Variants in RASGRF1 observed in about 807,000 individuals in gnomAD.
RASGRF1 encodes ras-specific guanine nucleotide-releasing factor 1.
RASGRF1 carries 40 observed loss-of-function variants against 138.7 expected under a neutral mutation model. The observed-to-expected ratio is 0.29, with a 90% CI of 0.22 to 0.38. The LOEUF (loss-of-function observed/expected upper bound fraction) is 0.38. RASGRF1 is among the 10% of genes least tolerant of loss of function. The pLI, the probability that RASGRF1 is intolerant of heterozygous loss-of-function variation, is 1.00. For synonymous variants in RASGRF1, 614 were observed against 663.2 expected (o/e 0.93, Z 1.14); for missense variants, 1,108 against 1,650.4 (o/e 0.67, Z 5.69).
chr15:79,008,166 T>C (rs1258878600), intron 13 of RASGRF1, among the ~76,000 whole-genome samples: 1 of 152,242 alleles, frequency 6.6e-6, no homozygotes, highest in East Asian at 1.9e-4. Context: ...GGGTATCTTC[T>C]ACCTAGGAGT....
chr15:78,964,860 T>A (rs2055612327), intron 26 of RASGRF1, among the ~76,000 whole-genome samples: 1 of 152,090 alleles, frequency 6.6e-6, no homozygotes, highest in Non-Finnish European at 1.5e-5. Flanking sequence ...TTTCCATAGT[T>A]GTACCTATGG....
chr15:79,063,414 T>A (rs1185051540), intron 2 of RASGRF1, among the ~76,000 whole-genome samples: 1 of 152,158 alleles, frequency 6.6e-6, no homozygotes, highest in African/African-American at 2.4e-5. Flanking sequence ...CTAGGATCCA[T>A]CTATCAAACC....
In RASGRF1 at chr15:79,078,784, G is replaced by T. The variant is rs950461604; in HGVS notation, c.276+11439C>A. On this transcript the variant is annotated intron_variant, in intron 1 of 26. Transcript: ENST00000558480. ...GCACCAGAACCTCTGCTTTGTCCCT[G>T]TTCTCAGTGCCTGTCTCAGGTCTCT... 1.3e-4 allele frequency among the ~76,000 whole-genome samples: 20 copies of T among 152,344 alleles called. No homozygotes were observed. The East Asian group carries it at 3.3e-3, about 25-fold the overall frequency.
intron 1 of RASGRF1, among the ~76,000 whole-genome samples, chr15:79,074,788 A>T (rs2057810750): frequency 6.6e-6 from 1 of 152,234 alleles, no homozygotes; most frequent in Admixed American, 6.5e-5. Context: ...AAGAGGCAAG[A>T]CTTGGTGAAC....
At chr15:79,028,534 C>T (rs572478720) in intron 8 of RASGRF1, among the ~76,000 whole-genome samples, 133 of 152,216 alleles carry the variant, frequency 8.7e-4, no homozygotes, top group African/African-American at 3.1e-3. Flanking sequence ...TAATACCCCT[C>T]CTCTCCAAGA....
chr15:78,995,718 C>T (rs1038496543), intron 20 of RASGRF1, 22 bp downstream of exon 20: 1 of 1,614,046 alleles, frequency 6.2e-7, no homozygotes, highest in African/African-American at 1.3e-5. Flanking sequence ...CCTTGGAAAG[C>T]AAGAGGGCAG....
intron 5 of RASGRF1, among the ~76,000 whole-genome samples, chr15:79,042,240 T>G (rs2057306295): frequency 6.6e-6 from 1 of 152,198 alleles, no homozygotes; most frequent in African/African-American, 2.4e-5. Flanking sequence ...AAAATGAGCT[T>G]CAGTAAATTA....
At chr15:78,966,353 T>G (rs934611972) in intron 26 of RASGRF1, among the ~76,000 whole-genome samples, 3 of 151,242 alleles carry the variant, frequency 2.0e-5, no homozygotes, top group Non-Finnish European at 4.4e-5. Context: ...CTTTCTGCCT[T>G]AGCCTCCTGA....
intron 15 of RASGRF1, 76 bp downstream of exon 15, chr15:79,003,726 G>A (rs572668716): frequency 6.6e-7 from 1 of 1,514,746 alleles, no homozygotes; most frequent in Admixed American, 2.1e-5. Context: ...GAGCAGCCCT[G>A]AGGCCTTGCT....
chr15:79,006,352 A>T lies in RASGRF1; in HGVS notation c.1909T>A (p.Tyr637Asn), dbSNP rs1357558469. ...MNSCKVLQIR[Y>N]ASVERLLERL... The stretch of plus-strand genomic sequence containing the variant: ...TCCAGCAGCCGCTCCACACTGGCGT[A>T]GCGGATCTGCAGCACTTTGCAGGAG... Residue 637 changes from tyrosine to asparagine, a missense_variant, in exon 14 of 27, where the codon TAC (tyrosine) becomes AAC (asparagine). By Grantham distance (143) the Tyr-to-Asn change is moderately radical (BLOSUM62 -2). Transcript: ENST00000558480. The surrounding 1 kb of genome is among the most constrained non-coding windows in gnomAD (Gnocchi z 4.0). The T allele has an allele frequency of 7.4e-6, 12 of 1,614,140 alleles. No homozygotes were observed. The highest frequency in any genetic ancestry group is 1.3e-5 in the African/African-American group (1 of 74,948).
chr15:79,081,713 C>T (rs1191657276), intron 1 of RASGRF1, among the ~76,000 whole-genome samples: 1 of 152,162 alleles, frequency 6.6e-6, no homozygotes, highest in African/African-American at 2.4e-5. Context: ...CAGGCTGTCC[C>T]CTCGCTGTAT....
chr15:79,069,007 G>T (rs115128106), intron 1 of RASGRF1, among the ~76,000 whole-genome samples: 2 of 152,088 alleles, frequency 1.3e-5, no homozygotes, highest in African/African-American at 2.4e-5. Flanking sequence ...GCTTGGGGGT[G>T]GGGGGTGTCT....
intron 5 of RASGRF1, among the ~76,000 whole-genome samples, chr15:79,040,869 A>T (rs1422232377): frequency 6.6e-6 from 1 of 152,262 alleles, no homozygotes. Context: ...AAGATGGAAT[A>T]CCTGATAACA....
intron 13 of RASGRF1, among the ~76,000 whole-genome samples, chr15:79,012,881 C>T (rs1440357083): frequency 6.6e-6 from 1 of 152,168 alleles, no homozygotes; most frequent in Non-Finnish European, 1.5e-5. Context: ...CGAGGTTTCA[C>T]CATGTTGGTC....
chr15:79,068,212 GAC>G (rs2057705066), intron 1 of RASGRF1, among the ~76,000 whole-genome samples: 1 of 152,154 alleles, frequency 6.6e-6, no homozygotes, highest in East Asian at 1.9e-4. Flanking sequence ...TGTCTAGGGT[GAC>G]AGTGGCTTGG....
intron 5 of RASGRF1, among the ~76,000 whole-genome samples, chr15:79,037,293 C>T (rs567183488): frequency 1.3e-5 from 2 of 151,400 alleles, no homozygotes; most frequent in African/African-American, 2.4e-5. Flanking sequence ...TTGAGGGAGC[C>T]ATATTTGGCA....
At chr15:78,986,643 G>A (rs951166417) in intron 22 of RASGRF1, among the ~76,000 whole-genome samples, 4 of 151,894 alleles carry the variant, frequency 2.6e-5, no homozygotes, top group Non-Finnish European at 5.9e-5. Flanking sequence ...CACCGCGCCC[G>A]GCCTTTGTGA....
intron 24 of RASGRF1, chr15:78,979,181 A>T (rs2055959392): frequency 7.8e-7 from 1 of 1,286,348 alleles, no homozygotes; most frequent in Non-Finnish European, 1.0e-6. Context: ...AGACGGCTGG[A>T]CAGCACAGAT....
chr15:79,020,226 T>C (rs2056941343), intron 10 of RASGRF1, 122 bp from the exon 11 acceptor site: 1 of 862,324 alleles, frequency 1.2e-6, no homozygotes. Flanking sequence ...CACAGATGTA[T>C]GGATGGATAT....
Sources: allele counts gnomAD v4.1 joint callset (sites outside exome capture counted in the v4.1 genomes callset), GRCh38; gene constraint gnomAD v4.1.1; non-coding constraint Gnocchi (gnomAD v3.1); transcripts MANE v1.5; gene names NCBI Gene and HGNC (gene_info 2026-07-23, HGNC 2026-07-21).